The following PID1 variants were observed in gnomAD, a reference collection of about 807,000 sequenced individuals.
PID1 encodes the protein PTB-containing, cubilin and LRP1-interacting protein.
Under a neutral mutation model 19.1 loss-of-function variants are expected in PID1, and 10 were observed. The ratio of observed to expected loss-of-function variants is 0.52; its 90% CI spans 0.32 to 0.89. The LOEUF (loss-of-function observed/expected upper bound fraction) is 0.89. Among genes scored for constraint, PID1 ranks in the 40% least tolerant of loss-of-function variants. The probability of loss-of-function intolerance (pLI) is 0.03; values close to 1 mark genes in which losing one functional copy is unlikely to be tolerated. For missense variants in PID1, 248 were observed against 285.3 expected, an observed-to-expected ratio of 0.87 and a Z score of 0.94; for synonymous variants, 130 against 116.0, an observed-to-expected ratio of 1.12 and a Z score of -0.78.
chr2:229,110,683 G>C (rs1681890977), intron 2 of PID1, among the ~76,000 whole-genome samples: 1 of 152,142 alleles, frequency 6.6e-6, no homozygotes, highest in South Asian at 2.1e-4. Flanking sequence ...ATTATTATAT[G>C]CTATATATGA....
chr2:229,061,232 T>A (rs1286617919), intron 2 of PID1, among the ~76,000 whole-genome samples: 1 of 152,132 alleles, frequency 6.6e-6, no homozygotes, highest in Non-Finnish European at 1.5e-5. Flanking sequence ...AATTTTATAG[T>A]TTCAGGCCTT....
At chr2:229,039,728 G>A (rs1265535348) in intron 2 of PID1, among the ~76,000 whole-genome samples, 2 of 152,092 alleles carry the variant, frequency 1.3e-5, no homozygotes, top group Non-Finnish European at 2.9e-5. Flanking sequence ...ACATACTAAT[G>A]AAAAGTAAAA....
At chr2:229,036,781 G>A (rs1031136720) in intron 2 of PID1, among the ~76,000 whole-genome samples, 6 of 152,178 alleles carry the variant, frequency 3.9e-5, no homozygotes, top group South Asian at 4.2e-4. Flanking sequence ...AAAAAAACCC[G>A]AAAATGGATC....
chr2:229,174,082 A>G (rs538378160), intron 1 of PID1, among the ~76,000 whole-genome samples: 1 of 152,318 alleles, frequency 6.6e-6, no homozygotes. Context: ...CTACTTGCAC[A>G]TAATTCCTTA....
At chr2:229,184,305 G>A (rs1383879450) in intron 1 of PID1, among the ~76,000 whole-genome samples, 1 of 111,818 alleles carries the variant, frequency 8.9e-6, no homozygotes, top group Non-Finnish European at 1.7e-5. Flanking sequence ...TATATCCCAT[G>A]TATATATATC....
intron 1 of PID1, among the ~76,000 whole-genome samples, chr2:229,259,511 A>G (rs567107528): frequency 6.6e-6 from 1 of 152,336 alleles, no homozygotes; most frequent in Admixed American, 6.5e-5. Flanking sequence ...ACAAAGGCAC[A>G]AAGATTTTCT....
intron 1 of PID1, among the ~76,000 whole-genome samples, chr2:229,202,204 G>A (rs1396605743): frequency 2.0e-5 from 3 of 152,032 alleles, no homozygotes; most frequent in Non-Finnish European, 2.9e-5. Context: ...GTCTGGAAGT[G>A]TAACAAAACA....
intron 1 of PID1, among the ~76,000 whole-genome samples, chr2:229,163,147 T>C (rs990586282): frequency 3.6e-4 from 55 of 152,184 alleles, no homozygotes; most frequent in Admixed American, 1.0e-3. Context: ...GTCTATTTTT[T>C]CCTTTGACCC....
intron 2 of PID1, among the ~76,000 whole-genome samples, chr2:229,033,412 G>C (rs1265753365): frequency 6.6e-6 from 1 of 152,086 alleles, no homozygotes; most frequent in Non-Finnish European, 1.5e-5. Flanking sequence ...AAAAGACTTT[G>C]CTGTGACTAA....
intron 1 of PID1, among the ~76,000 whole-genome samples, chr2:229,253,570 G>A (rs954624056): frequency 7.3e-6 from 1 of 137,022 alleles, no homozygotes; most frequent in African/African-American, 2.8e-5. Context: ...GTAAGGGTAT[G>A]TGCTTAAAAG....
intron 1 of PID1, among the ~76,000 whole-genome samples, chr2:229,242,385 A>T (rs141671077): frequency 1.5e-3 from 228 of 152,192 alleles, no homozygotes; most frequent in Middle Eastern, 0.01. Flanking sequence ...TAGGTCCAAA[A>T]GAAAAACCCG....
At chr2:229,224,832 TA>T (rs3084669) in intron 1 of PID1, among the ~76,000 whole-genome samples, 23,510 of 148,218 alleles carry the variant, frequency 0.16, 2,069 homozygotes, top group Admixed American at 0.25. Context: ...GGATTCAGAA[TA>T]AAAAAAAAAA....
chr2:229,180,752 G>C (rs971328577), intron 1 of PID1, among the ~76,000 whole-genome samples: 3 of 152,138 alleles, frequency 2.0e-5, no homozygotes, highest in African/African-American at 4.8e-5. Context: ...TGGCGTCTTC[G>C]TATGCCATCA....
At chr2:229,072,308 G>A (rs762419019) in intron 2 of PID1, among the ~76,000 whole-genome samples, 3 of 152,156 alleles carry the variant, frequency 2.0e-5, no homozygotes, top group Admixed American at 6.5e-5. Context: ...AAAACTATAG[G>A]CCAGGCGTGG....
chr2:229,054,019 CTG>C (rs1694046293), intron 2 of PID1, among the ~76,000 whole-genome samples: 2 of 152,126 alleles, frequency 1.3e-5, no homozygotes, highest in South Asian at 4.1e-4. Flanking sequence ...TATCCAAAGA[CTG>C]GATCATTACA....
At position 229,185,358 on chromosome 2, in the gene PID1, T is replaced by A. The variant is rs1013541493; in HGVS notation, c.31-29394A>T. On this transcript the variant is annotated intron_variant, in intron 1 of 2. Coordinates refer to ENST00000392055, the MANE Select transcript of PID1 (RefSeq NM_001100818.2). The stretch of plus-strand genomic sequence containing the variant: ...CTCCTATGGATGGCCAATTGGTCCA[T>A]GTGCACACTGATCCCATCCCCTCCT... Among the ~76,000 whole-genome samples, 11 of 152,206 alleles carry A rather than the reference T, an allele frequency of 7.2e-5. No homozygotes were observed. In the East Asian group the frequency reaches 2.1e-3, roughly 29 times the overall value.
At chr2:229,255,987 T>A (rs906632424) in intron 1 of PID1, among the ~76,000 whole-genome samples, 2 of 152,204 alleles carry the variant, frequency 1.3e-5, no homozygotes, top group African/African-American at 4.8e-5. Flanking sequence ...GCTAAACAAG[T>A]AAAATCAGTT....
intron 1 of PID1, among the ~76,000 whole-genome samples, chr2:229,216,271 T>C (rs1249258008): frequency 6.6e-6 from 1 of 152,240 alleles, no homozygotes; most frequent in African/African-American, 2.4e-5. Context: ...GGCACGTGCA[T>C]CTACAGCTGT....
chr2:229,178,064 C>T (rs899865108), intron 1 of PID1, among the ~76,000 whole-genome samples: 2 of 152,168 alleles, frequency 1.3e-5, no homozygotes, highest in Non-Finnish European at 2.9e-5. Context: ...ACTGGGGCTG[C>T]AGTTTTTACT....
Sources: gnomAD v4.1 joint callset for allele counts (sites outside exome capture counted in the v4.1 genomes callset) on GRCh38, gnomAD v4.1.1 for gene constraint, MANE v1.5 for transcripts, NCBI Gene and HGNC (gene_info 2026-07-23, HGNC 2026-07-21) for gene names.